Variants in ZMYM4 observed in about 807,000 individuals in gnomAD.
The protein encoded by ZMYM4 is zinc finger MYM-type protein 4.
In ZMYM4, 31 loss-of-function variants were observed where a neutral mutation model predicts 183.2. That is an observed-to-expected ratio of 0.17 (90% CI 0.13 to 0.23). The LOEUF is 0.23. Among genes scored for constraint, ZMYM4 ranks in the 10% least tolerant of loss-of-function variants. ZMYM4 has a pLI of 1.00. For synonymous variants in ZMYM4, 592 were observed against 631.2 expected (o/e 0.94, Z 0.93); for missense variants, 1,273 against 1,840.3 (o/e 0.69, Z 5.64).
Position 35,406,576 on chromosome 1 carries a change from GGTAATA to G in ZMYM4, c.3796+1109_3796+1114del, listed in dbSNP as rs1645006524. Among the ~76,000 whole-genome samples the G allele has an allele frequency of 2.6e-5, 4 of 152,094 alleles. No individual in the cohort carries two copies. The South Asian group carries it at 8.3e-4, about 32-fold the overall frequency. On this transcript the variant is annotated intron_variant, in intron 25 of 29. Transcript: ENST00000314607. ...GGAAGGGTAATAGTGCAAATGGAGAGGTAATACTGCTTTAGACTACTAAGCCTAAAT... is the reference window on the plus strand; with the variant it reads ...GGAAGGGTAATAGTGCAAATGGAGAGCTGCTTTAGACTACTAAGCCTAAAT...
chr1:35,365,709 A>G (rs1178162660), intron 5 of ZMYM4, among the ~76,000 whole-genome samples: 1 of 152,192 alleles, frequency 6.6e-6, no homozygotes, highest in Non-Finnish European at 1.5e-5. Context: ...GTATTGGTAA[A>G]GGAATTTTTT....
chr1:35,347,567 G>A (rs1316242133), intron 2 of ZMYM4, among the ~76,000 whole-genome samples: 1 of 151,946 alleles, frequency 6.6e-6, no homozygotes, highest in Non-Finnish European at 1.5e-5. Flanking sequence ...TTAGGTTTAG[G>A]GCTTGAACAG....
intron 20 of ZMYM4, 50 bp from the exon 21 acceptor site, chr1:35,398,363 T>C (rs1644845107): frequency 1.3e-6 from 2 of 1,514,494 alleles, no homozygotes; most frequent in East Asian, 2.3e-5. Flanking sequence ...ATTTGAGATA[T>C]AATTTGTTGT....
chr1:35,292,995 A>G (rs1640833537), intron 1 of ZMYM4, among the ~76,000 whole-genome samples: 1 of 113,872 alleles, frequency 8.8e-6, no homozygotes, highest in South Asian at 3.3e-4. Context: ...TGTCTGTGAT[A>G]CCATTAACAT....
intron 5 of ZMYM4, among the ~76,000 whole-genome samples, chr1:35,368,776 G>C (rs1171688207): frequency 6.6e-6 from 1 of 151,942 alleles, no homozygotes; most frequent in Non-Finnish European, 1.5e-5. Context: ...CTGAATATGC[G>C]GAAACATTAA....
rs1640784500 is a variant in ZMYM4, at chr1:35,291,959, CT to C, written c.39+22879del. Among the ~76,000 whole-genome samples, 3 of 152,078 alleles carry C rather than the reference CT, an allele frequency of 2.0e-5. No individual in the cohort carries two copies. The South Asian group carries it at 6.2e-4, about 32-fold the overall frequency. ...CATGATTGTTACTATTTAGCAGGCC[CT>C]TTTTGCACCACATTCCCGCTTTGAT... is the stretch of plus-strand genomic sequence containing the variant. On this transcript the variant is annotated intron_variant, in intron 1 of 29. Coordinates refer to ENST00000314607, the MANE Select transcript of ZMYM4 (RefSeq NM_005095.3).
intron 3 of ZMYM4, 32 bp from the exon 4 acceptor site, chr1:35,361,162 G>A (rs1200976443): frequency 1.9e-6 from 3 of 1,539,752 alleles, no homozygotes; most frequent in African/African-American, 2.8e-5. Flanking sequence ...TCATATACAT[G>A]TGTTTGTTTG....
chr1:35,414,871 ACT>A (rs773979770), intron 27 of ZMYM4, among the ~76,000 whole-genome samples: 2 of 151,694 alleles, frequency 1.3e-5, no homozygotes, highest in South Asian at 2.1e-4. Flanking sequence ...ACAAGGTGAA[ACT>A]CTGTCTCTAC....
intron 23 of ZMYM4, among the ~76,000 whole-genome samples, chr1:35,402,795 C>T (rs1644933838): frequency 6.6e-6 from 1 of 151,928 alleles, no homozygotes; most frequent in Non-Finnish European, 1.5e-5. Flanking sequence ...GATTTTCTAC[C>T]TAGACAATCA....
chr1:35,285,019 A>T (rs746559351), intron 1 of ZMYM4, among the ~76,000 whole-genome samples: 2 of 152,150 alleles, frequency 1.3e-5, no homozygotes, highest in African/African-American at 4.8e-5. Flanking sequence ...CTAGACTTTC[A>T]GTTCTGTTCT....
intron 1 of ZMYM4, among the ~76,000 whole-genome samples, chr1:35,320,043 G>C (rs1451323435): frequency 2.0e-5 from 3 of 152,222 alleles, no homozygotes; most frequent in Non-Finnish European, 4.4e-5. Flanking sequence ...CTTTGGGCTA[G>C]TGTGATACTG....
intron 1 of ZMYM4, among the ~76,000 whole-genome samples, chr1:35,315,523 T>C (rs1305398182): frequency 1.3e-5 from 2 of 152,238 alleles, no homozygotes; most frequent in African/African-American, 4.8e-5. Flanking sequence ...AGCCTGTTTT[T>C]AGTTTATGTC....
chr1:35,388,559 A>C (rs1433466876), intron 13 of ZMYM4, among the ~76,000 whole-genome samples: 2 of 152,108 alleles, frequency 1.3e-5, no homozygotes, highest in Admixed American at 1.3e-4. Context: ...CTTCTGTGCT[A>C]TCCTGTCTTA....
chr1:35,320,046 T>A (rs1642217873), intron 1 of ZMYM4, among the ~76,000 whole-genome samples: 1 of 152,224 alleles, frequency 6.6e-6, no homozygotes, highest in Non-Finnish European at 1.5e-5. Flanking sequence ...TGGGCTAGTG[T>A]GATACTGTGA....
At position 35,387,525 on chromosome 1, in the gene ZMYM4, G is replaced by A. The variant is rs1471982234; in HGVS notation, c.2184G>A (p.Met728Ile). The A allele has an allele frequency of 6.2e-7, 1 of 1,613,738 alleles. No homozygotes were observed. The highest frequency in any genetic ancestry group is 1.7e-5 in the Admixed American group (1 of 59,992). Residue 728 changes from methionine to isoleucine, a missense_variant, in exon 13 of 30, where the codon ATG becomes ATA. Met to Ile is a conservative substitution (Grantham distance 10, BLOSUM62 1). This residue lies in a region of ZMYM4 where 319 missense variants were observed against 518.1 expected (regional missense o/e 0.62). Transcript: ENST00000314607. The stretch of plus-strand genomic sequence containing the variant: ...AGAAAATAAATAATGTAATGGCAAT[G>A]TGTGAATATTGTAAAATTGAGAAAA... ...EYKKINNVMA[M>I]CEYCKIEKIV...
intron 1 of ZMYM4, among the ~76,000 whole-genome samples, chr1:35,294,472 A>T (rs1243816707): frequency 1.3e-5 from 2 of 152,158 alleles, no homozygotes; most frequent in Admixed American, 6.6e-5. Flanking sequence ...GAATTAGAAG[A>T]ATTATGAAGG....
At chr1:35,350,720 G>GGAT (rs1643573354) in intron 2 of ZMYM4, 1 of 415,164 alleles carries the variant, frequency 2.4e-6, no homozygotes, top group Non-Finnish European at 4.5e-6. Context: ...CTCTTCTGCA[G>GGAT]GATGGGGTTT....
At position 35,381,762 on chromosome 1, in the gene ZMYM4, C is replaced by G. The variant is rs1644463042; in HGVS notation, c.1569+4C>G. 6.2e-7 allele frequency: 1 copy of G among 1,613,438 alleles called. No individual in the cohort carries two copies. The highest frequency in any genetic ancestry group is 1.7e-5 in the Admixed American group (1 of 59,950). On this transcript the variant is annotated splice_donor_region_variant and intron_variant, in intron 9 of 29. Coordinates refer to ENST00000314607, the MANE Select transcript of ZMYM4 (RefSeq NM_005095.3). ...GTGTATCACGGCATACAAGCAGGTA[C>G]ATGACCATATTTAATCTTGATGTCT...
intron 12 of ZMYM4, 43 bp downstream of exon 12, chr1:35,387,321 G>A (rs781402427): frequency 1.3e-6 from 2 of 1,591,728 alleles, no homozygotes; most frequent in Non-Finnish European, 1.7e-6. Flanking sequence ...AGTATACGTG[G>A]GTCTATTTGT....
Sources: gnomAD v4.1 joint callset for allele counts (sites outside exome capture counted in the v4.1 genomes callset) on GRCh38, gnomAD v4.1.1 for gene constraint, gnomAD v4.1.1 regional missense constraint, MANE v1.5 for transcripts, NCBI Gene and HGNC (gene_info 2026-07-23, HGNC 2026-07-21) for gene names.